Variants in CHODL observed in about 807,000 individuals in gnomAD.
CHODL encodes the protein chondrolectin.
A neutral mutation model predicts 34.5 loss-of-function variants in CHODL; 29 were observed. The ratio of observed to expected loss-of-function variants is 0.84; its 90% CI spans 0.63 to 1.15. The LOEUF is 1.15. CHODL is among the 50% of genes most tolerant of loss of function. CHODL has a pLI of 0.00. For synonymous variants in CHODL, 125 were observed against 116.1 expected (o/e 1.08, Z -0.49); for missense variants, 332 against 332.5 (o/e 1.00, Z 0.01).
chr21:17,960,480 A>G (rs962868), intron 1 of CHODL, among the ~76,000 whole-genome samples: 57,807 of 151,990 alleles, frequency 0.38, 11,981 homozygotes, highest in East Asian at 0.65. Flanking sequence ...GATCCGAGGA[A>G]GATTTTTTTC....
chr21:18,016,355 C>T (rs1020353877), intron 1 of CHODL, among the ~76,000 whole-genome samples: 2 of 152,210 alleles, frequency 1.3e-5, no homozygotes, highest in African/African-American at 4.8e-5. Flanking sequence ...TTGGTGGCTT[C>T]CATGTGGTAT....
chr21:18,096,851 T>C (rs1313232932), intron 2 of CHODL, among the ~76,000 whole-genome samples: 3 of 152,206 alleles, frequency 2.0e-5, no homozygotes, highest in East Asian at 3.9e-4. Context: ...AAATCCCTAA[T>C]AAAAACTCAC....
chr21:18,018,157 T>A (rs1456015447), intron 1 of CHODL, among the ~76,000 whole-genome samples: 1 of 152,230 alleles, frequency 6.6e-6, no homozygotes, highest in Non-Finnish European at 1.5e-5. Context: ...AGTACTTGCC[T>A]TGTCTCAGAT....
chr21:18,004,001 G>A lies in CHODL; in HGVS notation c.-144-23871G>A, dbSNP rs540452913. Reference sequence around the variant, plus strand: ...GAAAAGGCAAAAACAAGGGTCATTCGTCTTTCAAGGAATATAGTGACTCAG... The same window carrying A: ...GAAAAGGCAAAAACAAGGGTCATTCATCTTTCAAGGAATATAGTGACTCAG... On this transcript the variant is annotated intron_variant, in intron 1 of 6. Coordinates refer to the CHODL transcript ENST00000400127. 2.6e-5 allele frequency among the ~76,000 whole-genome samples: 4 copies of A among 152,280 alleles called. No homozygotes were observed. In the South Asian group the frequency reaches 6.2e-4, roughly 24 times the overall value.
At chr21:18,159,668 C>T (rs746259301) in intron 2 of CHODL, among the ~76,000 whole-genome samples, 2 of 152,174 alleles carry the variant, frequency 1.3e-5, no homozygotes, top group Non-Finnish European at 2.9e-5. Context: ...CTTTAAATGG[C>T]CAAAGGGGCT....
chr21:17,927,982 G>C (rs1160636912), intron 1 of CHODL, among the ~76,000 whole-genome samples: 3 of 152,142 alleles, frequency 2.0e-5, no homozygotes, highest in Non-Finnish European at 4.4e-5. Context: ...AAAGGGTACA[G>C]GTATATTCAG....
intron 1 of CHODL, among the ~76,000 whole-genome samples, chr21:17,971,486 G>A (rs971920281): frequency 3.9e-5 from 6 of 152,186 alleles, no homozygotes; most frequent in African/African-American, 1.4e-4. Flanking sequence ...AATGACCAGT[G>A]ATGATGACCT....
At chr21:17,983,366 C>T (rs1260616214) in intron 1 of CHODL, among the ~76,000 whole-genome samples, 2 of 152,088 alleles carry the variant, frequency 1.3e-5, no homozygotes, top group African/African-American at 2.4e-5. Context: ...CATCTTGTGA[C>T]CTTGGTGATT....
chr21:17,941,286 C>CTTTT (rs34255623), intron 1 of CHODL, among the ~76,000 whole-genome samples: 3 of 87,920 alleles, frequency 3.4e-5, no homozygotes, highest in Non-Finnish European at 4.3e-5. Context: ...TAACTTGCCT[C>CTTTT]TTTTTTTTTT....
At chr21:18,003,356 T>C (rs1282258687) in intron 1 of CHODL, among the ~76,000 whole-genome samples, 1 of 149,572 alleles carries the variant, frequency 6.7e-6, no homozygotes, top group Admixed American at 6.7e-5. Flanking sequence ...TGGCAGATTA[T>C]AAGACTTCAG....
intron 2 of CHODL, among the ~76,000 whole-genome samples, chr21:18,138,593 G>A (rs1268537975): frequency 1.3e-5 from 2 of 152,138 alleles, no homozygotes; most frequent in Non-Finnish European, 2.9e-5. Flanking sequence ...TGGAATGGAT[G>A]GATGCATTGC....
chr21:18,230,527 G>A (rs933600455), intron 2 of CHODL, among the ~76,000 whole-genome samples: 5 of 152,040 alleles, frequency 3.3e-5, no homozygotes, highest in Non-Finnish European at 5.9e-5. Flanking sequence ...TGATTACTTG[G>A]ATTTTGTTAT....
At chr21:18,251,428 T>TAAAA (rs2074236946) in intron 1 of CHODL, among the ~76,000 whole-genome samples, 2 of 84,314 alleles carry the variant, frequency 2.4e-5, no homozygotes, top group African/African-American at 8.3e-5. Flanking sequence ...ATTTTATTTA[T>TAAAA]TTATTTTAAT....
chr21:18,028,221 TCC>T, intron 2 of CHODL, among the ~76,000 whole-genome samples: 1 of 58,546 alleles, frequency 1.7e-5, no homozygotes, highest in African/African-American at 5.7e-5. Flanking sequence ...TCCCCTCCCC[TCC>T]CCTCCCCTCC....
At chr21:17,959,884 G>A (rs1853416003) in intron 1 of CHODL, among the ~76,000 whole-genome samples, 1 of 152,118 alleles carries the variant, frequency 6.6e-6, no homozygotes, top group African/African-American at 2.4e-5. Flanking sequence ...ATAATTTTCA[G>A]GAAATTAAAA....
Position 18,014,122 on chromosome 21 carries a change from T to C in CHODL, c.-144-13750T>C, listed in dbSNP as rs574175453. On this transcript the variant is annotated intron_variant, in intron 1 of 6. Transcript: ENST00000400127. ...CCTTCAAAGAAGGGAGGTATCAGTG[T>C]TGAGGGTGACAGAGTCATGTGGAAG... Among the ~76,000 whole-genome samples, 9 of 152,110 alleles carry C rather than the reference T, an allele frequency of 5.9e-5. No individual in the cohort carries two copies. In the South Asian group the frequency reaches 1.9e-3, roughly 32 times the overall value.
chr21:18,179,509 A>G (rs963668149), intron 2 of CHODL, among the ~76,000 whole-genome samples: 1 of 152,086 alleles, frequency 6.6e-6, no homozygotes, highest in Non-Finnish European at 1.5e-5. Context: ...AAGTCCTCTT[A>G]TTTCTACCAC....
At chr21:18,058,888 T>C (rs141812678) in intron 2 of CHODL, among the ~76,000 whole-genome samples, 304 of 152,278 alleles carry the variant, frequency 2.0e-3, no homozygotes, top group South Asian at 5.4e-3. Flanking sequence ...CCTGATTGTC[T>C]TTTTCCCCTT....
intron 2 of CHODL, among the ~76,000 whole-genome samples, chr21:18,218,047 G>C (rs1041498829): frequency 6.6e-6 from 1 of 152,206 alleles, no homozygotes; most frequent in Non-Finnish European, 1.5e-5. Context: ...CTGGCATTGA[G>C]TGTGGCTTTT....
Sources: gnomAD v4.1 joint callset for allele counts (sites outside exome capture counted in the v4.1 genomes callset) on GRCh38, gnomAD v4.1.1 for gene constraint, MANE v1.5 for transcripts, NCBI Gene and HGNC (gene_info 2026-07-23, HGNC 2026-07-21) for gene names.